Variants in PDXK observed in about 807,000 individuals in gnomAD.
The protein encoded by PDXK is epididymis secretory sperm binding protein Li 1a.
PDXK carries 15 observed loss-of-function variants against 43.2 expected under a neutral mutation model. That is an observed-to-expected ratio of 0.35 (90% CI 0.23 to 0.53). The LOEUF is 0.53. Among genes scored for constraint, PDXK ranks in the 20% least tolerant of loss-of-function variants. The pLI is 0.92. For synonymous variants in PDXK, 172 were observed against 165.4 expected (o/e 1.04, Z -0.31); for missense variants, 343 against 417.0 (o/e 0.82, Z 1.54).
rs1291659145 is a variant in PDXK, at chr21:43,732,981, C to T, written c.88-1088C>T. ...CAGGCTGGTCTTGAACTCCTGGCCT[C>T]AAACTGTACTCCTACCTCGGCCTCC... On this transcript the variant is annotated intron_variant, in intron 1 of 10. Coordinates refer to ENST00000291565, the MANE Select transcript of PDXK (RefSeq NM_003681.5). The surrounding 1 kb of genome is among the most constrained non-coding windows in gnomAD (Gnocchi z 4.1). 6.6e-6 allele frequency among the ~76,000 whole-genome samples: 1 copy of T among 152,104 alleles called. No homozygotes were observed. Among genetic ancestry groups the T allele is most frequent in the Non-Finnish European group, 1.5e-5 (1 of 68,008 alleles).
chr21:43,753,513 C>T, intron 8 of PDXK, 70 bp from the exon 9 acceptor site: 1 of 1,525,688 alleles, frequency 6.6e-7, no homozygotes, highest in Non-Finnish European at 8.9e-7. Context: ...CCAGGAGGAT[C>T]AGGGATGGGA....
chr21:43,746,374 A>AAGC (rs1489267298), intron 5 of PDXK, among the ~76,000 whole-genome samples: 4 of 152,180 alleles, frequency 2.6e-5, no homozygotes, highest in Non-Finnish European at 5.9e-5. Context: ...TAGAGCACAG[A>AAGC]AGCAGCCACA....
At chr21:43,753,906 C>T (rs1316702662) in intron 9 of PDXK, among the ~76,000 whole-genome samples, 187 bp downstream of exon 9, 1 of 152,260 alleles carries the variant, frequency 6.6e-6, no homozygotes, top group African/African-American at 2.4e-5. Context: ...CTCACATCGC[C>T]TCCCATCTCC....
At chr21:43,746,892 G>C (rs956683335) in intron 5 of PDXK, among the ~76,000 whole-genome samples, 3 of 152,072 alleles carry the variant, frequency 2.0e-5, no homozygotes, top group African/African-American at 7.2e-5. Context: ...CAGCACTTTC[G>C]GGGGCCAGAG....
intron 1 of PDXK, among the ~76,000 whole-genome samples, chr21:43,722,459 G>A (rs1468211766): frequency 1.3e-5 from 2 of 152,236 alleles, no homozygotes; most frequent in East Asian, 1.9e-4. Context: ...TTATGTATGA[G>A]TTTGCTGGAT....
rs1346415459 is a variant in PDXK at position 43,760,926 on chromosome 21, C to T, written c.*4863C>T. On this transcript the variant is annotated 3_prime_UTR_variant, in exon 11 of 11. Coordinates refer to ENST00000291565, the MANE Select transcript of PDXK (RefSeq NM_003681.5). ...GTTTCCTGTTCTCAGTGCACAAAGACACTGGTTTTCAATCGGCGTCTAAAA... is the reference window on the plus strand; with the variant it reads ...GTTTCCTGTTCTCAGTGCACAAAGATACTGGTTTTCAATCGGCGTCTAAAA... The T allele has an allele frequency of 6.6e-6, 1 of 152,232 alleles. No homozygotes were observed. The highest frequency in any genetic ancestry group is 1.5e-5 in the Non-Finnish European group (1 of 68,042). 9.4% of individuals were successfully genotyped at this position (152,232 alleles called of 1,614,324 possible).
intron 1 of PDXK, chr21:43,733,752 G>A (rs147317129): frequency 1.6e-5 from 15 of 933,712 alleles, no homozygotes; most frequent in South Asian, 7.4e-5. Flanking sequence ...GAGTGCTTTC[G>A]CTGGGTGCGA....
intron 2 of PDXK, 41 bp from the exon 3 acceptor site, chr21:43,741,626 C>G (rs757004129): frequency 1.3e-4 from 205 of 1,595,680 alleles, no homozygotes; most frequent in Middle Eastern, 1.7e-4. Flanking sequence ...CCCCAGCTGG[C>G]CCCCTTGTGT....
At chr21:43,727,055 T>TAA (rs2083261875) in intron 1 of PDXK, among the ~76,000 whole-genome samples, 2 of 152,334 alleles carry the variant, frequency 1.3e-5, no homozygotes, top group African/African-American at 4.8e-5. Flanking sequence ...GTCTTTCCTG[T>TAA]AAGTGACTTC....
At chr21:43,733,923 G>A in intron 1 of PDXK, 146 bp from the exon 2 acceptor site, 1 of 742,164 alleles carries the variant, frequency 1.3e-6, no homozygotes, top group Non-Finnish European at 2.3e-6. Context: ...CTCCTGCTCT[G>A]ATGCGTCAGC....
intron 3 of PDXK, 109 bp downstream of exon 3, chr21:43,741,880 C>G (rs1601814642): frequency 1.4e-6 from 1 of 734,216 alleles, no homozygotes; most frequent in East Asian, 2.6e-5. Flanking sequence ...GGGTCCCTGC[C>G]CCTTCAAGGA....
rs1054995938 is a variant in PDXK at position 43,719,201 on chromosome 21, G to T, written c.-94G>T. ...CAGAGTCGCAGCCGAGGGGAGCCGG[G>T]GCCGGAGCCCGAGCCCGAGCCGAGC... On this transcript the variant is annotated 5_prime_UTR_variant, in exon 1 of 11. Coordinates refer to ENST00000291565, the MANE Select transcript of PDXK (RefSeq NM_003681.5). The T allele has an allele frequency of 5.8e-5, 34 of 588,142 alleles. No homozygotes were observed. The highest frequency in any genetic ancestry group is 5.6e-5 in the Non-Finnish European group (23 of 409,836). The allele number at this position is 588,142 out of a possible 1,614,324, so 36.4% of individuals were successfully genotyped here.
Position 43,747,746 on chromosome 21 carries a change from C to T in PDXK, c.379-1249C>T, listed in dbSNP as rs567442688. 1.5e-4 allele frequency among the ~76,000 whole-genome samples: 23 copies of T among 152,296 alleles called. No homozygotes were observed. In the East Asian group the frequency reaches 2.5e-3, roughly 17 times the overall value. ...AGTGCGGCTACGGGATCTGGCCCCT[C>T]GATTTTGATCACATTTGTTTTCCTG... is the stretch of plus-strand genomic sequence containing the variant. On this transcript the variant is annotated intron_variant, in intron 5 of 10. Coordinates refer to ENST00000291565, the MANE Select transcript of PDXK (RefSeq NM_003681.5).
intron 1 of PDXK, chr21:43,720,024 C>T: frequency 1.4e-6 from 1 of 709,848 alleles, no homozygotes; most frequent in Non-Finnish European, 1.7e-6. Flanking sequence ...TTTGCTCTGA[C>T]GAGGAGAAGC....
At position 43,735,796 on chromosome 21, in the gene PDXK, AG is replaced by A. The variant is rs2083391189; in HGVS notation, c.142+1675del. Among the ~76,000 whole-genome samples, 1 of 152,082 alleles carries A rather than the reference AG, an allele frequency of 6.6e-6. No homozygotes were observed. The highest frequency in any genetic ancestry group is 2.1e-4 in the South Asian group (1 of 4,826). Reference sequence around the variant, plus strand: ...AGGAGGCCCCCGGGTAGCTTCCCTAAGGCTGTCTCTGTGGCTCAGGGGCAAC... The same window carrying A: ...AGGAGGCCCCCGGGTAGCTTCCCTAAGCTGTCTCTGTGGCTCAGGGGCAAC... On this transcript the variant is annotated intron_variant, in intron 2 of 10. Coordinates refer to ENST00000291565, the MANE Select transcript of PDXK (RefSeq NM_003681.5). The surrounding 1 kb of genome is among the most constrained non-coding windows in gnomAD (Gnocchi z 5.3).
chr21:43,727,697 G>A (rs2083268312), intron 1 of PDXK, among the ~76,000 whole-genome samples: 1 of 152,210 alleles, frequency 6.6e-6, no homozygotes, highest in Non-Finnish European at 1.5e-5. Flanking sequence ...GGGTGGGAGG[G>A]AGCCAGCACT....
intron 2 of PDXK, among the ~76,000 whole-genome samples, chr21:43,739,674 A>G (rs1359260028): frequency 6.6e-6 from 1 of 151,724 alleles, no homozygotes; most frequent in African/African-American, 2.4e-5. Context: ...CACCCCCATG[A>G]TTGAATGACC....
At position 43,732,445 on chromosome 21, in the gene PDXK, G is replaced by A. The variant is rs2083331817; in HGVS notation, c.88-1624G>A. On this transcript the variant is annotated intron_variant, in intron 1 of 10. Transcript: ENST00000291565. This position sits in a 1 kb window ranked among gnomAD's most constrained non-coding sequence, Gnocchi z 4.1. The stretch of plus-strand genomic sequence containing the variant: ...ATGAATAAGCTGATTTTGATGGGGT[G>A]TGTGAAACGGAGATGCCAGCCCAGG... 1.2e-6 allele frequency: 2 copies of A among 1,612,558 alleles called. No individual in the cohort carries two copies. Among genetic ancestry groups the A allele is most frequent in the East Asian group, 2.2e-5 (1 of 44,880 alleles).
intron 2 of PDXK, 23 bp from the exon 3 acceptor site, chr21:43,741,644 C>G (rs145306555): frequency 1.9e-6 from 3 of 1,604,826 alleles, no homozygotes; most frequent in Non-Finnish European, 2.6e-6. Flanking sequence ...TGTCTGAGCC[C>G]CCATGGCTTC....
Sources: gnomAD v4.1 joint callset for allele counts (sites outside exome capture counted in the v4.1 genomes callset) on GRCh38, gnomAD v4.1.1 for gene constraint, Gnocchi (gnomAD v3.1) non-coding constraint, MANE v1.5 for transcripts, NCBI Gene and HGNC (gene_info 2026-07-23, HGNC 2026-07-21) for gene names.